The following MYCBP2 variants were observed in gnomAD, a reference collection of about 807,000 sequenced individuals.
The protein encoded by MYCBP2 is E3 ubiquitin-protein ligase MYCBP2.
Under a neutral mutation model 525.3 loss-of-function variants are expected in MYCBP2, and 120 were observed. That is an observed-to-expected ratio of 0.23 (90% CI 0.20 to 0.27). The LOEUF is 0.27. Among genes scored for constraint, MYCBP2 ranks in the 10% least tolerant of loss-of-function variants. The pLI is 1.00. For missense variants in MYCBP2, 4,149 were observed against 5,657.1 expected, an observed-to-expected ratio of 0.73 and a Z score of 8.55; for synonymous variants, 1,894 against 1,955.8, an observed-to-expected ratio of 0.97 and a Z score of 0.83.
chr13:77,281,836 A>C (rs747910507), intron 3 of MYCBP2, among the ~76,000 whole-genome samples: 94 of 152,232 alleles, frequency 6.2e-4, no homozygotes, highest in Non-Finnish European at 1.1e-3. Flanking sequence ...TTTAATAATT[A>C]ATTCTTTACC....
At chr13:77,155,647 T>C (rs1407336008) in intron 46 of MYCBP2, among the ~76,000 whole-genome samples, 1 of 152,218 alleles carries the variant, frequency 6.6e-6, no homozygotes, top group Admixed American at 6.5e-5. Flanking sequence ...TTAATGAGTG[T>C]TATTTTTAAA....
In MYCBP2 at chr13:77,191,817, AG is replaced by A. The variant is rs1185696259; in HGVS notation, c.3936-5del. The A allele has an allele frequency of 3.7e-6, 6 of 1,613,218 alleles. 1 individual carries two copies. The South Asian group carries it at 6.6e-5, about 18-fold the overall frequency. ...AAACATCATTGCATATTTTTCTCTG[AG>A]AAAAAATTAGTGAGTCAAAAACAAT... On this transcript the variant is annotated splice_polypyrimidine_tract_variant and splice_region_variant and intron_variant, in intron 27 of 82. Transcript: ENST00000544440.
At chr13:77,061,537 G>T in intron 75 of MYCBP2, 125 bp downstream of exon 75, 1 of 1,145,566 alleles carries the variant, frequency 8.7e-7, no homozygotes, top group Non-Finnish European at 1.2e-6. Context: ...CGAGACAGCT[G>T]TGAACTCAAC....
chr13:77,209,283 A>G (rs1566932456), intron 23 of MYCBP2, among the ~76,000 whole-genome samples: 1 of 152,248 alleles, frequency 6.6e-6, no homozygotes, highest in Non-Finnish European at 1.5e-5. Flanking sequence ...AAATGGTTCT[A>G]GTTCAAGTAA....
At chr13:77,246,027 A>C (rs1431172707) in intron 15 of MYCBP2, among the ~76,000 whole-genome samples, 1 of 152,058 alleles carries the variant, frequency 6.6e-6, no homozygotes, top group Non-Finnish European at 1.5e-5. Context: ...TATGTTGACA[A>C]AGACACTCCC....
chr13:77,064,662 T>C lies in MYCBP2; in HGVS notation c.12625A>G (p.Met4209Val). Residue 4209 changes from methionine to valine, a missense_variant, in exon 73 of 83, where the codon ATG (methionine) becomes GTG (valine). This residue lies in a region of MYCBP2 where 148 missense variants were observed against 179.4 expected (regional missense o/e 0.82). Transcript: ENST00000544440. ...ACTGGAGACCTAAATTCTTCTTCCA[T>C]CTTGGTCAAGGCAATGATGGTTTCT... ...IAETIIALTKMEEEFRSPVRC... is the reference protein window; with the variant it reads ...IAETIIALTKVEEEFRSPVRC... 6.2e-7 allele frequency: 1 copy of C among 1,613,770 alleles called. No homozygotes were observed. Among genetic ancestry groups the C allele is most frequent in the South Asian group, 1.1e-5 (1 of 91,066 alleles).
intron 26 of MYCBP2, among the ~76,000 whole-genome samples, chr13:77,198,148 C>A (rs1216123878): frequency 6.6e-6 from 1 of 152,126 alleles, no homozygotes; most frequent in Non-Finnish European, 1.5e-5. Flanking sequence ...CCTAAAATAA[C>A]CATTTTAAAG....
chr13:77,105,182 G>A (rs989557895), intron 55 of MYCBP2, among the ~76,000 whole-genome samples: 1 of 152,096 alleles, frequency 6.6e-6, no homozygotes, highest in Non-Finnish European at 1.5e-5. Context: ...CACATAGCAG[G>A]AAGACACAGG....
At chr13:77,144,670 T>C in intron 48 of MYCBP2, 110 bp from the exon 49 acceptor site, 1 of 752,552 alleles carries the variant, frequency 1.3e-6, no homozygotes, top group Non-Finnish European at 2.4e-6. Context: ...CTGGCAATCC[T>C]ACCACCCTGC....
chr13:77,124,624 A>C (rs1594750202), intron 54 of MYCBP2, among the ~76,000 whole-genome samples: 1 of 152,328 alleles, frequency 6.6e-6, no homozygotes, highest in East Asian at 1.9e-4. Flanking sequence ...CAAGGGACTC[A>C]TAACTGGGTA....
intron 1 of MYCBP2, among the ~76,000 whole-genome samples, chr13:77,298,962 T>C (rs1340058942): frequency 1.3e-5 from 2 of 152,092 alleles, no homozygotes; most frequent in Admixed American, 1.3e-4. Flanking sequence ...TCAATAAATA[T>C]CAGATGAACA....
rs762453165 is a variant in MYCBP2, at chr13:77,055,753, G to A, written c.13452C>T (p.His4484=). The part of the protein sequence containing the change: ...SCPICKNKIN[H]IVLKDLLDPI... ...GATCAAGTAGGTCTTTTAGTACTAT[G>A]TGATTAATTTTGTTCTGCAATAAAA... Residue 4484 remains histidine (H), a synonymous_variant, in exon 80 of 83, where the codon CAC becomes CAT. Coordinates refer to ENST00000544440, the MANE Select transcript of MYCBP2 (RefSeq NM_015057.5). 1.2e-6 allele frequency: 2 copies of A among 1,610,930 alleles called. No individual in the cohort carries two copies. The highest frequency in any genetic ancestry group is 3.3e-5 in the Admixed American group (2 of 59,794).
chr13:77,057,018 T>A lies in MYCBP2; in HGVS notation c.13405A>T (p.Thr4469Ser). ...LENRWLGPRI[T>S]FGFISCPICK... ...ATGGGACAAGATATAAATCCAAATG[T>A]TATCCTTGGGCCAAGCCATCGATTT... Residue 4469 changes from threonine to serine, a missense_variant, in exon 79 of 83, where the codon ACA (threonine) becomes TCA (serine). By Grantham distance (58) the Thr-to-Ser change is moderately conservative (BLOSUM62 1). Transcript: ENST00000544440. The A allele has an allele frequency of 6.2e-7, 1 of 1,613,688 alleles. No individual in the cohort carries two copies. Among genetic ancestry groups the A allele is most frequent in the South Asian group, 1.1e-5 (1 of 91,074 alleles).
chr13:77,181,129 G>A (rs182860291), intron 33 of MYCBP2, among the ~76,000 whole-genome samples: 83 of 151,912 alleles, frequency 5.5e-4, no homozygotes, highest in African/African-American at 1.9e-3. Flanking sequence ...AACCCCTACC[G>A]GTAGAAAAAT....
In MYCBP2 at chr13:77,326,500, G is replaced by GC; in HGVS notation, c.275dup (p.Gly93ArgfsTer11). The GC allele has an allele frequency of 1.3e-6, 2 of 1,585,878 alleles. No homozygotes were observed. Among genetic ancestry groups the GC allele is most frequent in the African/African-American group, 1.4e-5 (1 of 72,278 alleles). Reference sequence around the variant, plus strand: ...TGGAGGCTGGGTGTCCAGCGCTGCCGCCCCCCTGGTCCCTGTCATTGAGCG... The same window carrying GC: ...TGGAGGCTGGGTGTCCAGCGCTGCCGCCCCCCCTGGTCCCTGTCATTGAGCG... On this transcript the variant is annotated frameshift_variant, in exon 1 of 83. Coordinates refer to ENST00000544440, the MANE Select transcript of MYCBP2 (RefSeq NM_015057.5). LOFTEE classifies it high-confidence loss of function. The surrounding 1 kb of genome is among the most constrained non-coding windows in gnomAD (Gnocchi z 4.2).
intron 1 of MYCBP2, among the ~76,000 whole-genome samples, chr13:77,308,215 T>C (rs2079710984): frequency 6.6e-6 from 1 of 152,188 alleles, no homozygotes; most frequent in Non-Finnish European, 1.5e-5. Context: ...TAACCATCTA[T>C]TTAACCAATA....
rs2154242768 is a variant in MYCBP2, at chr13:77,177,790, T to C, written c.5298A>G (p.Gly1766=). ...CTAATTCATATTCATGAATTCCACC[T>C]CCTCCATAGACAGAGAAACCAACCA... ...IVVVGFSVYG[G]GGIHEYELEV... The change falls in exon 35 of 83, where the codon GGA becomes GGG. Residue 1766 remains glycine, a synonymous_variant. Transcript: ENST00000544440. 1.2e-6 allele frequency: 2 copies of C among 1,613,922 alleles called. No individual in the cohort carries two copies. The highest frequency in any genetic ancestry group is 4.5e-5 in the East Asian group (2 of 44,866).
intron 26 of MYCBP2, among the ~76,000 whole-genome samples, chr13:77,200,593 G>C (rs1403429283): frequency 2.6e-5 from 4 of 152,148 alleles, no homozygotes; most frequent in African/African-American, 9.7e-5. Flanking sequence ...ATAATTGTCA[G>C]ATTTACCAAA....
At position 77,237,924 on chromosome 13, in the gene MYCBP2, C is replaced by T. The variant is rs149918096; in HGVS notation, c.2630-4661G>A. Among the ~76,000 whole-genome samples, 507 of 152,074 alleles carry T rather than the reference C, an allele frequency of 3.3e-3. 2 individuals carry two copies. The highest frequency in any genetic ancestry group is 0.012 in the African/African-American group (479 of 41,508). On this transcript the variant is annotated intron_variant, in intron 17 of 82. Transcript: ENST00000544440. ...GATTTGATGCGTCAAATCAAGAAAACCATAATGGTTTTAAGGGCTTAAAAA... is the reference window on the plus strand; with the variant it reads ...GATTTGATGCGTCAAATCAAGAAAATCATAATGGTTTTAAGGGCTTAAAAA...
Sources: gnomAD v4.1 joint callset for allele counts (sites outside exome capture counted in the v4.1 genomes callset) on GRCh38, gnomAD v4.1.1 for gene constraint, gnomAD v4.1.1 regional missense constraint, Gnocchi (gnomAD v3.1) non-coding constraint, MANE v1.5 for transcripts, NCBI Gene and HGNC (gene_info 2026-07-23, HGNC 2026-07-21) for gene names.